PRRC2C: variants seen among roughly 807,000 people sequenced by gnomAD.
PRRC2C encodes proline rich coiled-coil 2C, also known as protein PRRC2C.
In PRRC2C, 72 loss-of-function variants were observed where a neutral mutation model predicts 317.2. That is an observed-to-expected ratio of 0.23 (90% CI 0.19 to 0.28). The LOEUF (loss-of-function observed/expected upper bound fraction) is 0.28, where lower values mean the gene tolerates loss of function less well. Ranked by LOEUF, PRRC2C falls within the 10% of genes least tolerant of loss-of-function variation. The pLI is 1.00. For missense variants in PRRC2C, 3,074 were observed against 3,459.7 expected (o/e 0.89, Z 2.80); for synonymous variants, 1,296 against 1,205.9 (o/e 1.07, Z -1.55).
At chr1:171,519,656 C>T (rs60014783) in intron 6 of PRRC2C, among the ~76,000 whole-genome samples, 18,789 of 152,098 alleles carry the variant, frequency 0.12, 1,229 homozygotes, top group East Asian at 0.22. Context: ...AAACAAGTCA[C>T]ATGTGCCTGG....
chr1:171,546,697 G>C (rs560639204), intron 17 of PRRC2C, among the ~76,000 whole-genome samples: 2 of 152,112 alleles, frequency 1.3e-5, no homozygotes, highest in Non-Finnish European at 2.9e-5. Context: ...CATCCCAGAC[G>C]TCAAGCGATT....
chr1:171,579,961 A>C lies in PRRC2C; in HGVS notation c.7406A>C (p.Tyr2469Ser). ...QELFSSSLQPYRSQPAFMQSS... is the reference protein window; with the variant it reads ...QELFSSSLQPSRSQPAFMQSS... ...TTGTTCAGCTCCTCACTTCAACCATATAGGTAAATGCTTTAAAAGTTATGT... is the reference window on the plus strand; with the variant it reads ...TTGTTCAGCTCCTCACTTCAACCATCTAGGTAAATGCTTTAAAAGTTATGT... Residue 2469 changes from tyrosine (Y) to serine (S), a missense_variant, in exon 28 of 35, where the codon TAT becomes TCT. Tyr to Ser is a moderately radical substitution (Grantham distance 144). Coordinates refer to ENST00000647382, the MANE Select transcript of PRRC2C (RefSeq NM_001387844.1). 1 of 1,536,674 alleles carries C rather than the reference A, an allele frequency of 6.5e-7. No individual in the cohort carries two copies. The highest frequency in any genetic ancestry group is 8.7e-7 in the Non-Finnish European group (1 of 1,147,484).
chr1:171,583,654 A>G (rs994611965), intron 28 of PRRC2C, among the ~76,000 whole-genome samples: 1 of 152,230 alleles, frequency 6.6e-6, no homozygotes, highest in African/African-American at 2.4e-5. Context: ...ATGTAACTGT[A>G]TGTACTGAAC....
chr1:171,515,554 C>G (rs563838137), intron 4 of PRRC2C, among the ~76,000 whole-genome samples, 180 bp from the exon 5 acceptor site: 66 of 152,262 alleles, frequency 4.3e-4, no homozygotes, highest in Non-Finnish European at 7.9e-4. Context: ...CTCCTCATGG[C>G]TGATCATTAG....
At position 171,557,630 on chromosome 1, in the gene PRRC2C, C is replaced by CCAGCTCCAACCCCCATCCTTGCCT; in HGVS notation, c.5522_5545dup (p.Ala1841_Ser1848dup). 6.4e-7 allele frequency: 1 copy of CCAGCTCCAACCCCCATCCTTGCCT among 1,551,674 alleles called. No individual in the cohort carries two copies. Among genetic ancestry groups the CCAGCTCCAACCCCCATCCTTGCCT allele is most frequent in the Non-Finnish European group, 8.7e-7 (1 of 1,146,996 alleles). ...CTCTTCTTCAGCTCCAGCCTCAGCC[C>CCAGCTCCAACCCCCATCCTTGCCT]CAGCTCCAACCCCCATCCTTGCCTC... On this transcript the variant is annotated inframe_insertion, in exon 19 of 35. Transcript: ENST00000647382.
intron 6 of PRRC2C, among the ~76,000 whole-genome samples, chr1:171,521,739 T>G (rs990299292): frequency 6.6e-6 from 1 of 152,234 alleles, no homozygotes; most frequent in African/African-American, 2.4e-5. Context: ...GCATTTGCTT[T>G]TCAAATATTT....
chr1:171,502,605 A>G (rs1341713407), intron 1 of PRRC2C, among the ~76,000 whole-genome samples: 1 of 152,174 alleles, frequency 6.6e-6, no homozygotes, highest in Non-Finnish European at 1.5e-5. Flanking sequence ...CTGTATTTTC[A>G]TAACATATCC....
At chr1:171,520,420 C>T (rs1410806050) in intron 6 of PRRC2C, among the ~76,000 whole-genome samples, 3 of 152,150 alleles carry the variant, frequency 2.0e-5, no homozygotes, top group African/African-American at 7.2e-5. Flanking sequence ...GGGGAAACCA[C>T]GTGGGCATCA....
intron 6 of PRRC2C, 77 bp downstream of exon 6, chr1:171,517,891 A>G: frequency 3.2e-6 from 4 of 1,262,510 alleles, no homozygotes; most frequent in Non-Finnish European, 4.4e-6. Context: ...TGTTATAGGG[A>G]AAAGTTTAGG....
intron 23 of PRRC2C, among the ~76,000 whole-genome samples, chr1:171,569,575 A>AATATATATATATATATATATAT (rs60832207): frequency 0.013 from 789 of 59,960 alleles, 53 homozygotes; most frequent in African/African-American, 0.024. Context: ...AAGTGGTTTA[A>AATATATATATATATATATATAT]ATATATATAT....
At chr1:171,558,273 T>C (rs1309401674) in intron 19 of PRRC2C, 130 bp downstream of exon 19, 1 of 1,254,284 alleles carries the variant, frequency 8.0e-7, no homozygotes, top group Non-Finnish European at 1.1e-6. Context: ...AAAGTAATAG[T>C]AATCCTCTCA....
intron 6 of PRRC2C, among the ~76,000 whole-genome samples, chr1:171,520,440 T>C (rs1673342347): frequency 6.6e-6 from 1 of 152,240 alleles, no homozygotes; most frequent in Non-Finnish European, 1.5e-5. Context: ...ATTCCCACTT[T>C]CATCAGTGAT....
rs1357436474 is a variant in PRRC2C, at chr1:171,536,063, A to G, written c.2078A>G (p.Gln693Arg). Residue 693 changes from glutamine to arginine, a missense_variant, in exon 14 of 35, where the codon CAA (glutamine) becomes CGA (arginine). Physicochemically the swap from Gln to Arg is conservative, Grantham distance 43 (BLOSUM62 1). Transcript: ENST00000647382. ...AAACAGCAGCAGTGGCAGCAGCAGCAACAGCAAGGTGTACTTCCACAGACT... is the reference window on the plus strand; with the variant it reads ...AAACAGCAGCAGTGGCAGCAGCAGCGACAGCAAGGTGTACTTCCACAGACT... ...QMKQQQWQQQ[Q>R]QQGVLPQTVP... is the part of the protein sequence containing the mutation. 2 of 1,552,444 alleles carry G rather than the reference A, an allele frequency of 1.3e-6. No homozygotes were observed. Among genetic ancestry groups the G allele is most frequent in the South Asian group, 2.4e-5 (2 of 84,144 alleles).
chr1:171,561,214 G>T, intron 20 of PRRC2C, 111 bp downstream of exon 20: 1 of 1,065,854 alleles, frequency 9.4e-7, no homozygotes, highest in Non-Finnish European at 1.4e-6. Flanking sequence ...AGGGTTACTT[G>T]AGTCCGGGAG....
Position 171,499,556 on chromosome 1 carries a change from C to T in PRRC2C, c.-57-12476C>T, listed in dbSNP as rs570401984. On this transcript the variant is annotated intron_variant, in intron 1 of 34. Transcript: ENST00000647382. ...CTGTAATCTCAGCACTTTGGGATTA[C>T]TACTCAGGAGGCCGAGGCAGGTGGA... 8.5e-5 allele frequency among the ~76,000 whole-genome samples: 13 copies of T among 152,264 alleles called. 1 individual carries two copies. The South Asian group carries it at 2.1e-3, about 24-fold the overall frequency.
intron 22 of PRRC2C, among the ~76,000 whole-genome samples, chr1:171,567,449 G>C (rs953576737): frequency 6.6e-6 from 1 of 152,162 alleles, no homozygotes; most frequent in African/African-American, 2.4e-5. Flanking sequence ...CTGAGAAAAA[G>C]TTACATGCAA....
At position 171,583,951 on chromosome 1, in the gene PRRC2C, T is replaced by A; in HGVS notation, c.7410-5T>A. 6.2e-7 allele frequency: 1 copy of A among 1,607,610 alleles called. No homozygotes were observed. Among genetic ancestry groups the A allele is most frequent in the East Asian group, 2.2e-5 (1 of 44,856 alleles). Reference sequence around the variant, plus strand: ...AACAATATTTTCTCTTTAATCCTTATGTAGATCTCAGCCAGCTTTTATGCA... The same window carrying A: ...AACAATATTTTCTCTTTAATCCTTAAGTAGATCTCAGCCAGCTTTTATGCA... On this transcript the variant is annotated splice_region_variant and splice_polypyrimidine_tract_variant and intron_variant, in intron 28 of 34. Coordinates refer to ENST00000647382, the MANE Select transcript of PRRC2C (RefSeq NM_001387844.1).
intron 5 of PRRC2C, among the ~76,000 whole-genome samples, chr1:171,517,282 A>G (rs1672562130): frequency 6.6e-6 from 1 of 152,162 alleles, no homozygotes; most frequent in Admixed American, 6.5e-5. Flanking sequence ...AAACATGGCC[A>G]TCTGATATAT....
At chr1:171,538,782 G>A (rs1476806238) in intron 15 of PRRC2C, among the ~76,000 whole-genome samples, 1 of 152,162 alleles carries the variant, frequency 6.6e-6, no homozygotes, top group Admixed American at 6.5e-5. Context: ...TGCAATCACA[G>A]CTCACTGCAG....
Sources: allele counts gnomAD v4.1 joint callset (sites outside exome capture counted in the v4.1 genomes callset), GRCh38; gene constraint gnomAD v4.1.1; transcripts MANE v1.5; gene names NCBI Gene and HGNC (gene_info 2026-07-23, HGNC 2026-07-21).